GNB4: variants seen among roughly 807,000 people sequenced by gnomAD.
GNB4 encodes the protein G protein subunit beta 4, also known as guanine nucleotide-binding protein subunit beta-4.
Under a neutral mutation model 45.2 loss-of-function variants are expected in GNB4, and 28 were observed. The observed-to-expected ratio is 0.62, with a 90% CI of 0.46 to 0.85. GNB4 has a LOEUF of 0.85. Ranked by LOEUF, GNB4 falls within the 40% of genes least tolerant of loss-of-function variation. The pLI, the probability that GNB4 is intolerant of heterozygous loss-of-function variation, is 0.00. For synonymous variants in GNB4, 132 were observed against 143.7 expected (o/e 0.92, Z 0.58); for missense variants, 321 against 425.4 (o/e 0.75, Z 2.16).
At chr3:179,468,387 C>T in the GNB4 span, among the ~76,000 whole-genome samples, 9 of 151,442 alleles carry the variant, frequency 5.9e-5, no homozygotes, top group East Asian at 2.0e-4. Flanking sequence ...CCCAGCTGCT[C>T]GGGAGGCTGA....
Position 179,396,553 on chromosome 3 carries a change from A to G in GNB4, c.*4660T>C, listed in dbSNP as rs2108569886. The G allele has an allele frequency of 6.6e-6, 1 of 152,334 alleles. No individual in the cohort carries two copies. Among genetic ancestry groups the G allele is most frequent in the African/African-American group, 2.4e-5 (1 of 41,574 alleles). 9.4% of individuals were successfully genotyped at this position (152,334 alleles called of 1,614,324 possible). ...TGAAGTTCTATTAATTAAGAAATAA[A>G]TACTGTATGATGTAAGATTTTGTTG... On this transcript the variant is annotated 3_prime_UTR_variant, in exon 10 of 10. Coordinates refer to ENST00000232564, the MANE Select transcript of GNB4 (RefSeq NM_021629.4).
intron 3 of GNB4, among the ~76,000 whole-genome samples, chr3:179,419,897 T>TA (rs1714924832): frequency 6.6e-6 from 1 of 151,998 alleles, no homozygotes; most frequent in Non-Finnish European, 1.5e-5. Context: ...GTAGAGCACA[T>TA]AAAATACTTC....
At chr3:179,444,765 T>C (rs1559982629) in intron 1 of GNB4, among the ~76,000 whole-genome samples, 1 of 152,198 alleles carries the variant, frequency 6.6e-6, no homozygotes, top group Non-Finnish European at 1.5e-5. Flanking sequence ...TTCTAGAATG[T>C]CTTAAATTAT....
chr3:179,439,646 G>GT (rs1715548146), intron 1 of GNB4, among the ~76,000 whole-genome samples: 1 of 152,162 alleles, frequency 6.6e-6, no homozygotes, highest in Non-Finnish European at 1.5e-5. Context: ...TGAGACAAAT[G>GT]TATATCTCAC....
At chr3:179,429,589 A>G (rs1267531525) in intron 1 of GNB4, among the ~76,000 whole-genome samples, 2 of 152,180 alleles carry the variant, frequency 1.3e-5, no homozygotes, top group African/African-American at 4.8e-5. Flanking sequence ...GTACTTCATC[A>G]GGCATTCTAG....
intron 1 of GNB4, among the ~76,000 whole-genome samples, chr3:179,430,399 T>C (rs2108607818): frequency 6.6e-6 from 1 of 152,190 alleles, no homozygotes; most frequent in African/African-American, 2.4e-5. Flanking sequence ...CCTTCCTTTC[T>C]CTTATAATAG....
At chr3:179,518,720 C>T in the GNB4 span, among the ~76,000 whole-genome samples, 1 of 151,824 alleles carries the variant, frequency 6.6e-6, no homozygotes, top group Non-Finnish European at 1.5e-5. Context: ...TTTCTTCATC[C>T]CAAATCAGAT....
At chr3:179,420,248 C>A (rs1714937240) in intron 3 of GNB4, among the ~76,000 whole-genome samples, 3 of 149,652 alleles carry the variant, frequency 2.0e-5, no homozygotes, top group Admixed American at 1.3e-4. Context: ...CCTGCCTCAG[C>A]CTACCAAGTA....
At chr3:179,460,654 A>G in the GNB4 span, among the ~76,000 whole-genome samples, 3 of 146,230 alleles carry the variant, frequency 2.1e-5, no homozygotes, top group Non-Finnish European at 3.0e-5. Flanking sequence ...CTTTTTGCAT[A>G]CCTAAATCAA....
At chr3:179,521,863 T>G in the GNB4 span, among the ~76,000 whole-genome samples, 1 of 152,060 alleles carries the variant, frequency 6.6e-6, no homozygotes, top group Non-Finnish European at 1.5e-5. Flanking sequence ...ATGACAAATG[T>G]TTCTTCTAAC....
chr3:179,445,013 C>A (rs1017084661), intron 1 of GNB4, among the ~76,000 whole-genome samples: 2 of 151,832 alleles, frequency 1.3e-5, no homozygotes, highest in African/African-American at 4.8e-5. Context: ...ATGAGTCAAG[C>A]CATTGCTAAG....
the GNB4 span, among the ~76,000 whole-genome samples, chr3:179,499,619 G>C: frequency 6.6e-6 from 1 of 152,212 alleles, no homozygotes; most frequent in Non-Finnish European, 1.5e-5. Context: ...TAATGGGATT[G>C]CTGGGTCAAA....
In GNB4 at chr3:179,405,347, A is replaced by G. The variant is rs368061934; in HGVS notation, c.759T>C (p.Phe253=). Residue 253 remains phenylalanine (F), a synonymous_variant, in exon 9 of 10, where the codon TTT becomes TTC. Coordinates refer to ENST00000232564, the MANE Select transcript of GNB4 (RefSeq NM_021629.4). The stretch of plus-strand genomic sequence containing the variant: ...ATAACTCTTGATCTGCACGAAGGTC[A>G]AAGAGCCGGCAAGTGGCATCATCAG... The part of the protein sequence containing the change: ...TGSDDATCRL[F]DLRADQELLL... 1 of 1,614,058 alleles carries G rather than the reference A, an allele frequency of 6.2e-7. No homozygotes were observed. The highest frequency in any genetic ancestry group is 8.5e-7 in the Non-Finnish European group (1 of 1,179,898).
At chr3:179,490,328 G>A in the GNB4 span, among the ~76,000 whole-genome samples, 1 of 152,112 alleles carries the variant, frequency 6.6e-6, no homozygotes, top group African/African-American at 2.4e-5. Context: ...AAAAATATCA[G>A]CTTCCTTCAT....
chr3:179,438,882 C>CCCCA (rs1715526749), intron 1 of GNB4, among the ~76,000 whole-genome samples: 1 of 152,160 alleles, frequency 6.6e-6, no homozygotes, highest in African/African-American at 2.4e-5. Flanking sequence ...TAAATACTTG[C>CCCCA]CCCACCTCAT....
chr3:179,480,443 T>C, the GNB4 span, among the ~76,000 whole-genome samples: 1 of 152,234 alleles, frequency 6.6e-6, no homozygotes, highest in South Asian at 2.1e-4. Flanking sequence ...ATATACTGTC[T>C]CTCTTTAGCT....
chr3:179,508,242 C>A, the GNB4 span, among the ~76,000 whole-genome samples: 1 of 152,190 alleles, frequency 6.6e-6, no homozygotes, highest in Non-Finnish European at 1.5e-5. Flanking sequence ...CTGCCTCAGC[C>A]TCCTAAAGTG....
the GNB4 span, among the ~76,000 whole-genome samples, chr3:179,495,786 G>C: frequency 6.6e-6 from 1 of 152,118 alleles, no homozygotes; most frequent in African/African-American, 2.4e-5. Flanking sequence ...AAACCTTGCA[G>C]GCCAGGAGAG....
At chr3:179,440,208 T>C (rs1220807512) in intron 1 of GNB4, among the ~76,000 whole-genome samples, 1 of 152,196 alleles carries the variant, frequency 6.6e-6, no homozygotes, top group African/African-American at 2.4e-5. Context: ...ACTATGATTT[T>C]TGGGGGGCAG....
Sources: gnomAD v4.1 joint callset for allele counts (sites outside exome capture counted in the v4.1 genomes callset) on GRCh38, gnomAD v4.1.1 for gene constraint, MANE v1.5 for transcripts, NCBI Gene and HGNC (gene_info 2026-07-23, HGNC 2026-07-21) for gene names.